Variants in ATG5 observed in about 807,000 individuals in gnomAD.
ATG5 encodes the protein autophagy protein 5.
A neutral mutation model predicts 36.5 loss-of-function variants in ATG5; 14 were observed. The observed-to-expected ratio is 0.38, with a 90% CI of 0.25 to 0.60. ATG5 has a LOEUF of 0.60. ATG5 is among the 20% of genes least tolerant of loss of function. ATG5 has a pLI of 0.60. For synonymous variants in ATG5, 95 were observed against 101.5 expected (o/e 0.94, Z 0.38); for missense variants, 195 against 326.7 (o/e 0.60, Z 3.11).
At chr6:106,278,680 G>T (rs1779754636) in intron 5 of ATG5, among the ~76,000 whole-genome samples, 1 of 152,016 alleles carries the variant, frequency 6.6e-6, no homozygotes, top group Non-Finnish European at 1.5e-5. Flanking sequence ...TTGTTTCTTT[G>T]TTGGATTTAC....
intron 6 of ATG5, among the ~76,000 whole-genome samples, chr6:106,238,675 AG>A (rs544220589): frequency 1.8e-4 from 27 of 152,228 alleles, no homozygotes; most frequent in Admixed American, 3.3e-4. Context: ...AGAGAAGACC[AG>A]GGAACAAAGA....
intron 2 of ATG5, among the ~76,000 whole-genome samples, chr6:106,311,276 T>C (rs1318511454): frequency 6.6e-6 from 1 of 152,074 alleles, no homozygotes; most frequent in Non-Finnish European, 1.5e-5. Context: ...GCAAAAAAGA[T>C]ACAAAAAAAC....
intron 6 of ATG5, among the ~76,000 whole-genome samples, chr6:106,233,546 C>T (rs1328626313): frequency 6.6e-6 from 1 of 152,172 alleles, no homozygotes. Context: ...AGCTTGCAAC[C>T]CATGGCATAC....
intron 6 of ATG5, among the ~76,000 whole-genome samples, chr6:106,221,894 A>C (rs1384781162): frequency 1.3e-5 from 2 of 151,966 alleles, no homozygotes; most frequent in Non-Finnish European, 1.5e-5. Flanking sequence ...TGAGTGTCTT[A>C]TTATTATTTT....
At chr6:106,211,751 A>G (rs1466116863) in intron 6 of ATG5, among the ~76,000 whole-genome samples, 4 of 152,192 alleles carry the variant, frequency 2.6e-5, no homozygotes, top group African/African-American at 9.6e-5. Flanking sequence ...AATGCATAAT[A>G]TCATTTGCTC....
intron 5 of ATG5, among the ~76,000 whole-genome samples, chr6:106,256,581 A>T (rs1778808800): frequency 6.6e-6 from 1 of 151,994 alleles, no homozygotes; most frequent in Admixed American, 6.5e-5. Context: ...AACATCATAG[A>T]ATGTACTTAG....
intron 2 of ATG5, among the ~76,000 whole-genome samples, chr6:106,312,730 A>G (rs77295287): frequency 6.6e-6 from 1 of 152,212 alleles, no homozygotes; most frequent in Non-Finnish European, 1.5e-5. Flanking sequence ...CAATGCCACA[A>G]GATGGGAGAA....
intron 6 of ATG5, among the ~76,000 whole-genome samples, chr6:106,227,414 A>G (rs1286702383): frequency 6.6e-6 from 1 of 152,162 alleles, no homozygotes; most frequent in African/African-American, 2.4e-5. Flanking sequence ...TGGGCAGCAG[A>G]AAGAGGCTCT....
At chr6:106,265,675 C>T (rs980223067) in intron 5 of ATG5, among the ~76,000 whole-genome samples, 5 of 152,166 alleles carry the variant, frequency 3.3e-5, no homozygotes, top group South Asian at 2.1e-4. Context: ...ACAGTGCAAT[C>T]AAATTAGAAC....
intron 3 of ATG5, among the ~76,000 whole-genome samples, chr6:106,293,575 C>T (rs1780407151): frequency 6.6e-6 from 1 of 152,324 alleles, no homozygotes; most frequent in Admixed American, 6.5e-5. Flanking sequence ...ATAGCATATA[C>T]ATTTCCAGTC....
chr6:106,206,960 A>G (rs961613716), intron 6 of ATG5, among the ~76,000 whole-genome samples: 20 of 152,334 alleles, frequency 1.3e-4, no homozygotes, highest in African/African-American at 4.8e-4. Context: ...ACAATATCCA[A>G]TGCAATCTAA....
intron 6 of ATG5, among the ~76,000 whole-genome samples, chr6:106,221,676 AC>A (rs1490275676): frequency 2.1e-5 from 3 of 140,580 alleles, no homozygotes; most frequent in Non-Finnish European, 4.5e-5. Context: ...ACAGAGTGAG[AC>A]CCTGTCTCAA....
intron 6 of ATG5, among the ~76,000 whole-genome samples, chr6:106,231,132 G>C (rs1777672336): frequency 6.6e-6 from 1 of 152,144 alleles, no homozygotes; most frequent in South Asian, 2.1e-4. Context: ...GCGGTGGGAG[G>C]AGAATTCGGC....
rs73776552 is a variant in ATG5 at position 106,185,019 on chromosome 6, G to A, written c.*1521C>T. On this transcript the variant is annotated 3_prime_UTR_variant, in exon 8 of 8. Transcript: ENST00000369076. ...CTGCCTTTACTAAAATGGCACTTTC[G>A]TTTACATCAACCAATTATTTTCTAC... is the stretch of plus-strand genomic sequence containing the variant. 0.025 allele frequency: 3,741 copies of A among 152,220 alleles called. 64 individuals carry two copies. The highest frequency in any genetic ancestry group is 0.049 in the African/African-American group (2,042 of 41,486). 9.4% of individuals were successfully genotyped at this position (152,220 alleles called of 1,614,324 possible). A position where few individuals can be genotyped will look rare whatever the true frequency, so the allele number is the denominator to read the frequency against.
At chr6:106,282,078 CTAGGT>C (rs1407017898) in intron 4 of ATG5, among the ~76,000 whole-genome samples, 1 of 152,194 alleles carries the variant, frequency 6.6e-6, no homozygotes, top group Non-Finnish European at 1.5e-5. Flanking sequence ...ACAAGAATTG[CTAGGT>C]GAACAGAAAA....
intron 5 of ATG5, among the ~76,000 whole-genome samples, chr6:106,261,601 T>G (rs944424532): frequency 8.5e-5 from 13 of 152,204 alleles, no homozygotes; most frequent in Admixed American, 2.6e-4. Context: ...TGAGTTAAAA[T>G]GCACTCAACA....
chr6:106,308,292 T>A, intron 3 of ATG5, 72 bp downstream of exon 3: 1 of 1,319,150 alleles, frequency 7.6e-7, no homozygotes, highest in Non-Finnish European at 9.9e-7. Flanking sequence ...TTTTTACAAT[T>A]GTTTCAGGGC....
At position 106,270,108 on chromosome 6, in the gene ATG5, TAAATC is replaced by T. The variant is rs1779396545; in HGVS notation, c.478+9548_478+9552del. ...TTATTACAAAGTTAATTTATTCACT[TAAATC>T]AAGTAATTTCAGGAGCAATCCTTCT... On this transcript the variant is annotated intron_variant, in intron 5 of 7. Coordinates refer to ENST00000369076, the MANE Select transcript of ATG5 (RefSeq NM_004849.4). Among the ~76,000 whole-genome samples, 2 of 152,230 alleles carry T rather than the reference TAAATC, an allele frequency of 1.3e-5. 1 individual carries two copies. Among genetic ancestry groups the T allele is most frequent in the South Asian group, 4.1e-4 (2 of 4,834 alleles).
intron 5 of ATG5, among the ~76,000 whole-genome samples, chr6:106,251,654 A>G (rs1014569282): frequency 6.6e-5 from 4 of 60,880 alleles, no homozygotes; most frequent in East Asian, 5.6e-4. Flanking sequence ...AGAGGGAGGG[A>G]GGGAGGAAGG....
Sources: allele counts gnomAD v4.1 joint callset (sites outside exome capture counted in the v4.1 genomes callset), GRCh38; gene constraint gnomAD v4.1.1; transcripts MANE v1.5; gene names NCBI Gene and HGNC (gene_info 2026-07-23, HGNC 2026-07-21).